The following LHFPL3 variants were observed in gnomAD, a reference collection of about 807,000 sequenced individuals.
LHFPL3 encodes the protein LHFPL tetraspan subfamily member 3 protein.
LHFPL3 carries 5 observed loss-of-function variants against 19.3 expected under a neutral mutation model. That is an observed-to-expected ratio of 0.26 (90% CI 0.14 to 0.54). The LOEUF is 0.54. Ranked by LOEUF, LHFPL3 falls within the 20% of genes least tolerant of loss-of-function variation. The probability of loss-of-function intolerance (pLI) is 0.94; values close to 1 mark genes in which losing one functional copy is unlikely to be tolerated. For missense variants in LHFPL3, 249 were observed against 307.4 expected (o/e 0.81, Z 1.42); for synonymous variants, 133 against 126.2 (o/e 1.05, Z -0.36).
chr7:104,884,759 G>T (rs994154886), intron 2 of LHFPL3, among the ~76,000 whole-genome samples: 1 of 152,194 alleles, frequency 6.6e-6, no homozygotes, highest in African/African-American at 2.4e-5. Context: ...TTGAGTATTT[G>T]AAGAAAATGA....
At chr7:104,787,652 GC>G (rs1789945559) in intron 2 of LHFPL3, among the ~76,000 whole-genome samples, 1 of 152,194 alleles carries the variant, frequency 6.6e-6, no homozygotes, top group African/African-American at 2.4e-5. Flanking sequence ...TTGGGCTCAA[GC>G]AATCTTCCCA....
rs75183677 is a variant in LHFPL3, at chr7:104,738,440, A to C, written c.682+1529A>C. On this transcript the variant is annotated intron_variant, in intron 2 of 2. Transcript: ENST00000424859. ...TTTTCAAAAGAATGAATTAAATAAA[A>C]GCCTAGCTTGTTCTGCAGATTATGA... Among the ~76,000 whole-genome samples, 694 of 152,308 alleles carry C rather than the reference A, an allele frequency of 4.6e-3. 29 individuals are homozygous for C. In the East Asian group the frequency reaches 0.1, roughly 22 times the overall value.
intron 1 of LHFPL3, among the ~76,000 whole-genome samples, chr7:104,528,023 A>G (rs1162181377): frequency 1.5e-4 from 23 of 152,198 alleles, no homozygotes; most frequent in Admixed American, 1.5e-3. Flanking sequence ...CATCTCTTGG[A>G]AATGGGTGTT....
In LHFPL3 at chr7:104,458,002, C is replaced by A. The variant is rs535492422; in HGVS notation, c.445+128778C>A. Among the ~76,000 whole-genome samples the A allele has an allele frequency of 4.1e-3, 593 of 146,362 alleles. 3 individuals carry two copies. Among genetic ancestry groups the A allele is most frequent in the African/African-American group, 9.7e-3 (379 of 38,948 alleles). ...GTAAATTTGTTTGAGTTCATTGTAG[C>A]TTCTGGATATTAGCCCTTTGTCAGA... On this transcript the variant is annotated intron_variant, in intron 1 of 2. Transcript: ENST00000424859.
chr7:104,468,442 A>G (rs1359820937), intron 1 of LHFPL3, among the ~76,000 whole-genome samples: 2 of 152,186 alleles, frequency 1.3e-5, no homozygotes, highest in Non-Finnish European at 1.5e-5. Context: ...TTGTCAGGTC[A>G]TTCCAAGGTT....
intron 2 of LHFPL3, among the ~76,000 whole-genome samples, chr7:104,737,487 A>T (rs1562977594): frequency 6.6e-6 from 1 of 152,226 alleles, no homozygotes; most frequent in Non-Finnish European, 1.5e-5. Flanking sequence ...AAAAGTCCTC[A>T]GATTTCTTTT....
At chr7:104,526,961 T>C (rs1224989097) in intron 1 of LHFPL3, among the ~76,000 whole-genome samples, 1 of 152,058 alleles carries the variant, frequency 6.6e-6, no homozygotes. Flanking sequence ...TAGTGGTACA[T>C]GAAGTGAGGG....
At chr7:104,622,377 T>C (rs1227816534) in intron 1 of LHFPL3, among the ~76,000 whole-genome samples, 1 of 152,226 alleles carries the variant, frequency 6.6e-6, no homozygotes, top group African/African-American at 2.4e-5. Flanking sequence ...CCTCCTAGAA[T>C]GTTGGGATTA....
At chr7:104,899,104 A>AATATATATATATAT (rs34311079) in intron 2 of LHFPL3, among the ~76,000 whole-genome samples, 3 of 148,540 alleles carry the variant, frequency 2.0e-5, no homozygotes, top group African/African-American at 7.4e-5. Flanking sequence ...CCCCATCTCT[A>AATATATATATATAT]ATATATATAT....
At chr7:104,845,180 G>A (rs919638396) in intron 2 of LHFPL3, among the ~76,000 whole-genome samples, 2 of 152,210 alleles carry the variant, frequency 1.3e-5, no homozygotes, top group African/African-American at 4.8e-5. Flanking sequence ...CCAGCAAGTA[G>A]CAGGACTAAA....
At chr7:104,523,623 A>T (rs1252199152) in intron 1 of LHFPL3, among the ~76,000 whole-genome samples, 1 of 152,170 alleles carries the variant, frequency 6.6e-6, no homozygotes, top group Non-Finnish European at 1.5e-5. Context: ...TGTTTAGTAC[A>T]CATATAGTCA....
intron 2 of LHFPL3, among the ~76,000 whole-genome samples, chr7:104,763,029 C>G (rs1794402247): frequency 6.6e-6 from 1 of 152,180 alleles, no homozygotes; most frequent in Admixed American, 6.5e-5. Flanking sequence ...CATTGTGTGA[C>G]AGAGTAATGA....
At chr7:104,579,436 A>G (rs1790413351) in intron 1 of LHFPL3, among the ~76,000 whole-genome samples, 1 of 152,138 alleles carries the variant, frequency 6.6e-6, no homozygotes, top group Admixed American at 6.5e-5. Flanking sequence ...TTCTGCATTA[A>G]TTTGCTTAGA....
chr7:104,414,668 G>T (rs893315421), intron 1 of LHFPL3, among the ~76,000 whole-genome samples: 1 of 152,186 alleles, frequency 6.6e-6, no homozygotes, highest in African/African-American at 2.4e-5. Flanking sequence ...TTAAATTTAT[G>T]CATAAACTTT....
At chr7:104,901,636 T>C (rs1256805732) in intron 2 of LHFPL3, among the ~76,000 whole-genome samples, 2 of 152,148 alleles carry the variant, frequency 1.3e-5, no homozygotes, top group African/African-American at 4.8e-5. Flanking sequence ...GGTGCGTTCA[T>C]GGCTCACTGC....
intron 1 of LHFPL3, among the ~76,000 whole-genome samples, chr7:104,623,395 C>T (rs772301963): frequency 6.6e-6 from 1 of 152,144 alleles, no homozygotes; most frequent in Non-Finnish European, 1.5e-5. Context: ...CTTAGAAGGC[C>T]AAGGCAGGTA....
intron 2 of LHFPL3, among the ~76,000 whole-genome samples, chr7:104,864,042 A>G (rs555803931): frequency 1.4e-4 from 21 of 152,348 alleles, no homozygotes; most frequent in African/African-American, 4.6e-4. Context: ...GTTAGCTATT[A>G]TTCTTTACTC....
At chr7:104,662,251 G>A (rs1792237525) in intron 1 of LHFPL3, among the ~76,000 whole-genome samples, 1 of 152,160 alleles carries the variant, frequency 6.6e-6, no homozygotes, top group South Asian at 2.1e-4. Flanking sequence ...ACAGCTTGGG[G>A]TTGAATTTTA....
rs1205200413 is a variant in LHFPL3, at chr7:104,417,857, ATTCTTC to A, written c.445+88657_445+88662del. On this transcript the variant is annotated intron_variant, in intron 1 of 2. Coordinates refer to ENST00000424859, the MANE Select transcript of LHFPL3 (RefSeq NM_199000.3). ...ACTGTTATTCGTATTTTCTTTTCTAATTCTTCTTCTTCTTCTTCTTCTTCTTCTTTT... is the reference window on the plus strand; with the variant it reads ...ACTGTTATTCGTATTTTCTTTTCTAATTCTTCTTCTTCTTCTTCTTCTTTT... Among the ~76,000 whole-genome samples, 29 of 125,696 alleles carry A rather than the reference ATTCTTC, an allele frequency of 2.3e-4. 1 individual carries two copies. The East Asian group carries it at 4.5e-3, about 20-fold the overall frequency. The allele number at this position is 125,696 out of a possible 152,430, so 82.5% of individuals were successfully genotyped here.
Sources: allele counts gnomAD v4.1 joint callset (sites outside exome capture counted in the v4.1 genomes callset), GRCh38; gene constraint gnomAD v4.1.1; transcripts MANE v1.5; gene names NCBI Gene and HGNC (gene_info 2026-07-23, HGNC 2026-07-21).